The following PPP3CA variants were observed in gnomAD, a reference collection of about 807,000 sequenced individuals.
The protein encoded by PPP3CA is CAM-PRP catalytic subunit.
In PPP3CA, 14 loss-of-function variants were observed where a neutral mutation model predicts 66.5. The observed-to-expected ratio is 0.21, with a 90% CI of 0.14 to 0.33. PPP3CA has a LOEUF of 0.33. PPP3CA is among the 10% of genes least tolerant of loss of function. The pLI is 1.00. For synonymous variants in PPP3CA, 232 were observed against 226.2 expected (o/e 1.03, Z -0.23); for missense variants, 317 against 639.5 (o/e 0.50, Z 5.44).
chr4:101,171,253 T>C (rs1442133008), intron 2 of PPP3CA: 1 of 455,534 alleles, frequency 2.2e-6, no homozygotes, highest in Admixed American at 2.4e-5. Flanking sequence ...AATTCAGACT[T>C]ACTGAATAAC....
At chr4:101,316,811 G>C (rs1289391134) in intron 1 of PPP3CA, among the ~76,000 whole-genome samples, 2 of 152,150 alleles carry the variant, frequency 1.3e-5, no homozygotes, top group East Asian at 3.8e-4. Context: ...TCTGTAAGTT[G>C]AATGTAGTAA....
In PPP3CA at chr4:101,315,921, C is replaced by T. The variant is rs184807892; in HGVS notation, c.58+30818G>A. 2.5e-3 allele frequency among the ~76,000 whole-genome samples: 384 copies of T among 152,166 alleles called. 8 individuals are homozygous for T. The highest frequency in any genetic ancestry group is 1.8e-3 in the Non-Finnish European group (123 of 67,990). ...GTTTCGGACTGCTGAAAACCTAAAA[C>T]AAAGCAAAACAACAAAATAAGGCTG... On this transcript the variant is annotated intron_variant, in intron 1 of 13. Transcript: ENST00000394854.
intron 2 of PPP3CA, among the ~76,000 whole-genome samples, chr4:101,190,741 C>T (rs1449198719): frequency 2.0e-5 from 3 of 152,076 alleles, no homozygotes; most frequent in Non-Finnish European, 4.4e-5. Context: ...AAAAACTACA[C>T]ACATAAACTC....
At chr4:101,036,375 T>C (rs1249288612) in intron 11 of PPP3CA, among the ~76,000 whole-genome samples, 3 of 151,974 alleles carry the variant, frequency 2.0e-5, no homozygotes, top group Non-Finnish European at 4.4e-5. Context: ...TACTCTTGTC[T>C]CTGTGTTGTT....
chr4:101,189,504 G>A (rs1724521758), intron 2 of PPP3CA, among the ~76,000 whole-genome samples: 1 of 151,846 alleles, frequency 6.6e-6, no homozygotes, highest in Non-Finnish European at 1.5e-5. Flanking sequence ...AATAGACATA[G>A]TTGAACTGCT....
At chr4:101,063,841 AAATT>A (rs1728573576) in intron 8 of PPP3CA, among the ~76,000 whole-genome samples, 1 of 151,966 alleles carries the variant, frequency 6.6e-6, no homozygotes, top group African/African-American at 2.4e-5. Flanking sequence ...TTTATTTTTT[AAATT>A]AATATAATAA....
intron 1 of PPP3CA, among the ~76,000 whole-genome samples, chr4:101,214,471 T>C (rs1725398615): frequency 6.6e-6 from 1 of 152,118 alleles, no homozygotes; most frequent in Non-Finnish European, 1.5e-5. Context: ...AGCAACTCCC[T>C]GAGTTGTGAG....
chr4:101,136,028 T>C (rs959651258), intron 2 of PPP3CA, among the ~76,000 whole-genome samples: 3 of 152,204 alleles, frequency 2.0e-5, no homozygotes, highest in Non-Finnish European at 4.4e-5. Context: ...GTATATTGCA[T>C]TGTGGCTGTC....
intron 6 of PPP3CA, among the ~76,000 whole-genome samples, chr4:101,091,324 A>G (rs980140475): frequency 6.6e-6 from 1 of 152,202 alleles, no homozygotes; most frequent in Admixed American, 6.5e-5. Context: ...AACATCTTTA[A>G]TAAAAGATTA....
chr4:101,109,081 GA>G lies in PPP3CA; in HGVS notation c.260-4del. 2.5e-6 allele frequency: 4 copies of G among 1,611,914 alleles called. No homozygotes were observed. Among genetic ancestry groups the G allele is most frequent in the Non-Finnish European group, 3.4e-6 (4 of 1,178,628 alleles). On this transcript the variant is annotated splice_polypyrimidine_tract_variant and splice_region_variant and intron_variant, in intron 2 of 13. Transcript: ENST00000394854. Reference sequence around the variant, plus strand: ...TTGTCCATGAATGTCCCCACAAACTGAAAGAAACAAAATTCATTTTATGGTC... The same window carrying G: ...TTGTCCATGAATGTCCCCACAAACTGAAGAAACAAAATTCATTTTATGGTC...
rs2110350172 is a variant in PPP3CA at position 101,347,296 on chromosome 4, T to C, written c.-500A>G. The C allele has an allele frequency of 4.9e-6, 1 of 204,502 alleles. No individual in the cohort carries two copies. Among genetic ancestry groups the C allele is most frequent in the Non-Finnish European group, 9.5e-6 (1 of 105,214 alleles). 12.7% of individuals were successfully genotyped at this position (204,502 alleles called of 1,614,324 possible). On this transcript the variant is annotated 5_prime_UTR_variant, in exon 1 of 14. Transcript: ENST00000394854. ...CAGTGCCACCAGCCGCACCTTGGCG[T>C]CCCCGGCGGCGGAGAGGCGGCCGCC...
rs150280035 is a variant in PPP3CA, at chr4:101,149,625, C to A, written c.260-40547G>T. Among the ~76,000 whole-genome samples the A allele has an allele frequency of 5.0e-3, 758 of 152,174 alleles. 11 individuals are homozygous for A. The highest frequency in any genetic ancestry group is 0.017 in the African/African-American group (709 of 41,490). On this transcript the variant is annotated intron_variant, in intron 2 of 13. Coordinates refer to ENST00000394854, the MANE Select transcript of PPP3CA (RefSeq NM_000944.5). ...AAGTCTCTCAACTTAATGATTTTCT[C>A]TAACCAACAGTTGAGAACTGAGCAG...
intron 11 of PPP3CA, among the ~76,000 whole-genome samples, 155 bp downstream of exon 11, chr4:101,040,327 T>C (rs1727457513): frequency 6.6e-6 from 1 of 152,216 alleles, no homozygotes; most frequent in Admixed American, 6.5e-5. Flanking sequence ...AAACTGACAA[T>C]TTCTCATTTA....
intron 1 of PPP3CA, among the ~76,000 whole-genome samples, chr4:101,306,391 C>G (rs1486591234): frequency 6.6e-6 from 1 of 152,122 alleles, no homozygotes; most frequent in Non-Finnish European, 1.5e-5. Context: ...TCCACCTGAC[C>G]ACCAAGGCTC....
At chr4:101,195,121 A>T (rs1471272727) in intron 2 of PPP3CA, among the ~76,000 whole-genome samples, 1 of 151,906 alleles carries the variant, frequency 6.6e-6, no homozygotes, top group African/African-American at 2.4e-5. Flanking sequence ...AAAATAGAAA[A>T]ATTAGCCAGG....
chr4:101,318,075 C>T (rs927665271), intron 1 of PPP3CA, among the ~76,000 whole-genome samples: 3 of 152,166 alleles, frequency 2.0e-5, no homozygotes, highest in African/African-American at 7.2e-5. Flanking sequence ...CGTATCAAAA[C>T]AATTTGGTAA....
intron 2 of PPP3CA, among the ~76,000 whole-genome samples, chr4:101,169,874 C>T (rs935091536): frequency 6.6e-6 from 1 of 152,026 alleles, no homozygotes; most frequent in African/African-American, 2.4e-5. Context: ...TTTTTATCCT[C>T]TTAAATTTGG....
intron 2 of PPP3CA, among the ~76,000 whole-genome samples, chr4:101,127,349 A>G (rs1722276640): frequency 6.6e-6 from 1 of 152,086 alleles, no homozygotes; most frequent in Admixed American, 6.6e-5. Context: ...ACTTAGAAAT[A>G]GGATCTTTGC....
chr4:101,158,592 A>T (rs974968352), intron 2 of PPP3CA, among the ~76,000 whole-genome samples: 5 of 152,202 alleles, frequency 3.3e-5, no homozygotes, highest in African/African-American at 1.2e-4. Context: ...AGTTAAAACT[A>T]GGTGCCACAC....
Sources: allele counts gnomAD v4.1 joint callset (sites outside exome capture counted in the v4.1 genomes callset), GRCh38; gene constraint gnomAD v4.1.1; transcripts MANE v1.5; gene names NCBI Gene and HGNC (gene_info 2026-07-23, HGNC 2026-07-21).